Variants in SEMA3D observed in about 807,000 individuals in gnomAD.
SEMA3D encodes the protein semaphorin-3D.
In SEMA3D, 84 loss-of-function variants were observed where a neutral mutation model predicts 100.1. The ratio of observed to expected loss-of-function variants is 0.84; its 90% confidence interval spans 0.70 to 1.01. The LOEUF (loss-of-function observed/expected upper bound fraction) is 1.01, where lower values mean the gene tolerates loss of function less well. Ranked by LOEUF, SEMA3D falls within the 50% of genes least tolerant of loss-of-function variation. SEMA3D has a pLI of 0.00. For synonymous variants in SEMA3D, 312 were observed against 320.7 expected (o/e 0.97, Z 0.29); for missense variants, 875 against 934.1 (o/e 0.94, Z 0.82).
intron 13 of SEMA3D, among the ~76,000 whole-genome samples, chr7:85,020,894 T>C (rs1426486547): frequency 7.3e-5 from 11 of 151,632 alleles, no homozygotes; most frequent in Admixed American, 7.2e-4. Flanking sequence ...TTGTTTAAAA[T>C]TATTTAAGTT....
At chr7:85,215,297 G>A in the SEMA3D span, among the ~76,000 whole-genome samples, 1 of 151,938 alleles carries the variant, frequency 6.6e-6, no homozygotes, top group Non-Finnish European at 1.5e-5. Flanking sequence ...TTCACCTCTG[G>A]AAAGACCCTA....
chr7:85,064,209 A>AT, intron 8 of SEMA3D, among the ~76,000 whole-genome samples: 1 of 152,224 alleles, frequency 6.6e-6, no homozygotes, highest in East Asian at 1.9e-4. Flanking sequence ...CTTATACTTC[A>AT]TTTTAAGCCA....
At chr7:85,051,790 C>G (rs1791173149) in intron 9 of SEMA3D, among the ~76,000 whole-genome samples, 1 of 151,890 alleles carries the variant, frequency 6.6e-6, no homozygotes, top group South Asian at 2.1e-4. Flanking sequence ...AAATATATCT[C>G]TTTGCACATG....
chr7:85,166,376 C>T (rs936066278), intron 1 of SEMA3D, among the ~76,000 whole-genome samples: 2 of 151,696 alleles, frequency 1.3e-5, no homozygotes, highest in Non-Finnish European at 2.9e-5. Context: ...GGCAAAAGAA[C>T]ATGAAAGTTT....
At chr7:85,133,210 C>T (rs563067733) in intron 2 of SEMA3D, among the ~76,000 whole-genome samples, 2 of 151,926 alleles carry the variant, frequency 1.3e-5, no homozygotes, top group African/African-American at 2.4e-5. Context: ...ACCCTTATCG[C>T]CCTCCTTATC....
intron 2 of SEMA3D, among the ~76,000 whole-genome samples, chr7:85,147,308 G>T (rs1233775818): frequency 1.3e-5 from 2 of 151,510 alleles, no homozygotes; most frequent in Non-Finnish European, 2.9e-5. Context: ...CGCCATGTGG[G>T]CCAGGCAGGT....
chr7:85,140,839 C>T (rs1030353089), intron 2 of SEMA3D: 1 of 862,104 alleles, frequency 1.2e-6, no homozygotes, highest in Non-Finnish European at 1.4e-6. Flanking sequence ...TAGTTTTTCA[C>T]ATTCTACCAT....
At chr7:85,121,683 A>G in intron 3 of SEMA3D, 58 bp downstream of exon 3, 1 of 984,600 alleles carries the variant, frequency 1.0e-6, no homozygotes, top group Non-Finnish European at 1.5e-6. Context: ...AAATATAGCA[A>G]TCAAAAAAGA....
At chr7:85,185,383 A>C (rs1791511780) in intron 1 of SEMA3D, among the ~76,000 whole-genome samples, 1 of 151,156 alleles carries the variant, frequency 6.6e-6, no homozygotes, top group Non-Finnish European at 1.5e-5. Flanking sequence ...CATGCAGGAG[A>C]ACCCTTTTTA....
chr7:85,205,263 C>T, the SEMA3D span, among the ~76,000 whole-genome samples: 16 of 151,818 alleles, frequency 1.1e-4, no homozygotes, highest in African/African-American at 3.4e-4. Context: ...GCTTGGTGAC[C>T]GTAGTTAATA....
rs750224915 is a variant in SEMA3D, at chr7:84,999,534, C to G, written c.2240G>C (p.Gly747Ala). Residue 747 changes from glycine (G) to alanine (A), a missense_variant, in exon 19 of 19, where the codon GGC (glycine) becomes GCC (alanine). Physicochemically the swap from Gly to Ala is moderately conservative, Grantham distance 60. Coordinates refer to ENST00000284136, the MANE Select transcript of SEMA3D (RefSeq NM_001384900.1). Reference protein sequence around the residue: ...REKRRQRNKGGPKWKHMQEMK... With the variant: ...REKRRQRNKGAPKWKHMQEMK... Reference sequence around the variant, plus strand: ...TTCCTGCATGTGCTTCCACTTTGGGCCCCCCTTGTTTCTCTGTCTCCGCTT... The same window carrying G: ...TTCCTGCATGTGCTTCCACTTTGGGGCCCCCTTGTTTCTCTGTCTCCGCTT... The G allele has an allele frequency of 6.2e-7, 1 of 1,614,028 alleles. No individual in the cohort carries two copies. The highest frequency in any genetic ancestry group is 1.7e-5 in the Admixed American group (1 of 59,972).
the SEMA3D span, among the ~76,000 whole-genome samples, chr7:85,230,250 A>G: frequency 1.3e-5 from 2 of 152,284 alleles, no homozygotes; most frequent in East Asian, 3.9e-4. Context: ...CCAGAATCAC[A>G]TGCCTCTGCT....
the SEMA3D span, among the ~76,000 whole-genome samples, chr7:85,221,754 C>T: frequency 1.3e-5 from 2 of 151,922 alleles, no homozygotes; most frequent in South Asian, 2.1e-4. Context: ...ATAAACTTAA[C>T]AATCAATGCT....
At chr7:85,148,078 G>T (rs1022424460) in intron 2 of SEMA3D, among the ~76,000 whole-genome samples, 27 of 152,034 alleles carry the variant, frequency 1.8e-4, no homozygotes, top group African/African-American at 7.2e-5. Context: ...CTATTTAAAG[G>T]TATGGAAACT....
intron 8 of SEMA3D, among the ~76,000 whole-genome samples, chr7:85,063,331 C>T (rs1386007539): frequency 1.3e-5 from 2 of 152,178 alleles, no homozygotes; most frequent in African/African-American, 4.8e-5. Flanking sequence ...GTCATATTAT[C>T]ACCCTGGCTT....
intron 1 of SEMA3D, among the ~76,000 whole-genome samples, chr7:85,184,004 C>A (rs1791471231): frequency 6.6e-6 from 1 of 151,664 alleles, no homozygotes; most frequent in African/African-American, 2.4e-5. Flanking sequence ...CCTTTACGGA[C>A]ATTGTTAAAG....
Position 85,037,176 on chromosome 7 carries a change from C to T in SEMA3D, c.1047-143G>A, listed in dbSNP as rs73713930. 723 of 662,830 alleles carry T rather than the reference C, an allele frequency of 1.1e-3. 6 individuals are homozygous for T. Among genetic ancestry groups the T allele is most frequent in the African/African-American group, 0.011 (592 of 54,894 alleles). The allele number at this position is 662,830 out of a possible 1,614,324, so 41.1% of individuals were successfully genotyped here. On this transcript the variant is annotated intron_variant, in intron 11 of 18. Transcript: ENST00000284136. ...GGGTACTGTAGACACAATGTGCCTA[C>T]GTCCTCAAGTGGCTTACAGCCAAGC...
At chr7:85,180,499 A>G (rs1404943517) in intron 1 of SEMA3D, among the ~76,000 whole-genome samples, 1 of 152,182 alleles carries the variant, frequency 6.6e-6, no homozygotes, top group Non-Finnish European at 1.5e-5. Context: ...ACTATTAGTA[A>G]AGTTTTCCAC....
intron 2 of SEMA3D, chr7:85,141,927 G>T (rs1460644961): frequency 7.1e-6 from 7 of 981,516 alleles, no homozygotes; most frequent in African/African-American, 1.8e-5. Flanking sequence ...TATGATGTGT[G>T]CAATGCACTT....
Sources: gnomAD v4.1 joint callset for allele counts (sites outside exome capture counted in the v4.1 genomes callset) on GRCh38, gnomAD v4.1.1 for gene constraint, MANE v1.5 for transcripts, NCBI Gene and HGNC (gene_info 2026-07-23, HGNC 2026-07-21) for gene names.